The following NRXN1 variants were observed in gnomAD, a reference collection of about 807,000 sequenced individuals.
NRXN1 encodes the protein neurexin 1.
In NRXN1, 39 loss-of-function variants were observed where a neutral mutation model predicts 150.9. The observed-to-expected ratio is 0.26, with a 90% CI of 0.20 to 0.34. NRXN1 has a LOEUF of 0.34. Among genes scored for constraint, NRXN1 ranks in the 10% least tolerant of loss-of-function variants. The probability of loss-of-function intolerance (pLI) is 1.00; values close to 1 mark genes in which losing one functional copy is unlikely to be tolerated. For synonymous variants in NRXN1, 924 were observed against 757.0 expected (o/e 1.22, Z -3.62); for missense variants, 1,815 against 1,949.9 (o/e 0.93, Z 1.30).
intron 21 of NRXN1, among the ~76,000 whole-genome samples, chr2:50,050,160 T>C (rs978911176): frequency 1.9e-4 from 3 of 15,756 alleles, no homozygotes; most frequent in Non-Finnish European, 3.3e-4. Context: ...GCAAAACTTC[T>C]TTTTTTTTTT....
chr2:50,013,924 G>A (rs754147272), intron 21 of NRXN1, among the ~76,000 whole-genome samples: 1 of 152,004 alleles, frequency 6.6e-6, no homozygotes, highest in Non-Finnish European at 1.5e-5. Context: ...GTGTAATGAC[G>A]GAATGCTAAA....
At chr2:49,950,338 A>T (rs1272574455) in intron 21 of NRXN1, among the ~76,000 whole-genome samples, 1 of 151,886 alleles carries the variant, frequency 6.6e-6, no homozygotes, top group Non-Finnish European at 1.5e-5. Flanking sequence ...TGACATAAAG[A>T]TGTCAATTTC....
At chr2:50,580,816 T>C (rs1290646170) in intron 8 of NRXN1, among the ~76,000 whole-genome samples, 1 of 152,128 alleles carries the variant, frequency 6.6e-6, no homozygotes, top group Non-Finnish European at 1.5e-5. Context: ...CATGCTATGT[T>C]CACAGCTACT....
chr2:50,306,465 T>C (rs1359108634), intron 17 of NRXN1, among the ~76,000 whole-genome samples: 2 of 152,200 alleles, frequency 1.3e-5, no homozygotes, highest in East Asian at 1.9e-4. Context: ...AATAATTTTG[T>C]CATTCAGAGG....
intron 8 of NRXN1, among the ~76,000 whole-genome samples, chr2:50,576,485 C>CT (rs1212518071): frequency 6.6e-6 from 1 of 151,994 alleles, no homozygotes. Flanking sequence ...TGTTTTTACT[C>CT]TTTTTTCCCC....
At chr2:50,938,625 G>C (rs1688908187) in intron 2 of NRXN1, among the ~76,000 whole-genome samples, 2 of 152,188 alleles carry the variant, frequency 1.3e-5, no homozygotes, top group African/African-American at 4.8e-5. Context: ...AACTACCTAA[G>C]ACTGGGTAAT....
chr2:50,416,261 T>C (rs903647621), intron 17 of NRXN1, among the ~76,000 whole-genome samples: 4 of 152,036 alleles, frequency 2.6e-5, no homozygotes, highest in African/African-American at 9.7e-5. Flanking sequence ...AAGAAAGGCC[T>C]CACTGAGCAA....
chr2:50,872,037 C>A (rs1677854736), intron 5 of NRXN1, among the ~76,000 whole-genome samples: 1 of 151,766 alleles, frequency 6.6e-6, no homozygotes, highest in Non-Finnish European at 1.5e-5. Flanking sequence ...AAAAAAAATT[C>A]TCATAACAAA....
chr2:50,231,297 C>G lies in NRXN1; in HGVS notation c.3546+5492G>C, dbSNP rs376358969. On this transcript the variant is annotated intron_variant, in intron 18 of 22. Coordinates refer to ENST00000401669, the MANE Select transcript of NRXN1 (RefSeq NM_001330078.2). The stretch of plus-strand genomic sequence containing the variant: ...ATAGGTGTGCATCTATGTATAATTA[C>G]TGACTTTAAAAAGGTATTTCTGAAT... 2.0e-5 allele frequency among the ~76,000 whole-genome samples: 3 copies of G among 152,146 alleles called. No homozygotes were observed. In the East Asian group the frequency reaches 5.8e-4, roughly 30 times the overall value.
At chr2:50,771,200 C>A (rs926442594) in intron 5 of NRXN1, among the ~76,000 whole-genome samples, 1 of 152,002 alleles carries the variant, frequency 6.6e-6, no homozygotes, top group Non-Finnish European at 1.5e-5. Context: ...AATGTCAGAA[C>A]AAGAAATCTT....
chr2:50,800,116 A>G (rs2105682628), intron 5 of NRXN1, among the ~76,000 whole-genome samples: 1 of 152,326 alleles, frequency 6.6e-6, no homozygotes, highest in East Asian at 1.9e-4. Context: ...AAGCAGGAAT[A>G]ACGCACTGTT....
chr2:50,370,016 C>CT (rs1382796780), intron 17 of NRXN1, among the ~76,000 whole-genome samples: 1 of 151,996 alleles, frequency 6.6e-6, no homozygotes, highest in Non-Finnish European at 1.5e-5. Context: ...GAAATTTACT[C>CT]TATTTATTGA....
At chr2:50,270,622 T>A (rs949675222) in intron 17 of NRXN1, among the ~76,000 whole-genome samples, 1 of 152,030 alleles carries the variant, frequency 6.6e-6, no homozygotes, top group Non-Finnish European at 1.5e-5. Flanking sequence ...ACCGTGAAAG[T>A]ATAACGTACA....
At chr2:50,621,307 T>C (rs372993213) in intron 6 of NRXN1, 58 bp from the exon 7 acceptor site, 11 of 1,230,354 alleles carry the variant, frequency 8.9e-6, no homozygotes, top group East Asian at 2.5e-5. Context: ...TAACGATCGT[T>C]ACTTAAAAAA....
intron 17 of NRXN1, among the ~76,000 whole-genome samples, chr2:50,368,480 AT>A (rs1170657210): frequency 1.3e-5 from 2 of 152,018 alleles, no homozygotes; most frequent in African/African-American, 4.8e-5. Context: ...AAATGTTTGT[AT>A]GAATTGAATT....
At chr2:50,837,110 A>G (rs1672229566) in intron 5 of NRXN1, among the ~76,000 whole-genome samples, 1 of 152,148 alleles carries the variant, frequency 6.6e-6, no homozygotes, top group African/African-American at 2.4e-5. Flanking sequence ...GTATCTCCAG[A>G]GAAAAACACA....
intron 2 of NRXN1, among the ~76,000 whole-genome samples, chr2:50,965,410 A>T (rs1693900846): frequency 6.6e-6 from 1 of 151,388 alleles, no homozygotes; most frequent in South Asian, 2.1e-4. Flanking sequence ...CCTTTCAAGC[A>T]TGGAGGAAAA....
At chr2:50,010,149 T>TA (rs35397464) in intron 21 of NRXN1, among the ~76,000 whole-genome samples, 56,252 of 147,714 alleles carry the variant, frequency 0.38, 10,977 homozygotes, top group East Asian at 0.49. Flanking sequence ...GAACTCAAGT[T>TA]AAAAAAAAAA....
chr2:50,217,432 A>G (rs2063478014), intron 18 of NRXN1, among the ~76,000 whole-genome samples: 1 of 152,038 alleles, frequency 6.6e-6, no homozygotes, highest in Non-Finnish European at 1.5e-5. Context: ...AAGTGATTAG[A>G]AAAGACAAAG....
Sources: gnomAD v4.1 joint callset for allele counts (sites outside exome capture counted in the v4.1 genomes callset) on GRCh38, gnomAD v4.1.1 for gene constraint, MANE v1.5 for transcripts, NCBI Gene and HGNC (gene_info 2026-07-23, HGNC 2026-07-21) for gene names.